The following SDCCAG8 variants were observed in gnomAD, a reference collection of about 807,000 sequenced individuals.
SDCCAG8 encodes the protein SHH signaling and ciliogenesis regulator SDCCAG8.
In SDCCAG8, 74 loss-of-function variants were observed where a neutral mutation model predicts 101.8. The observed-to-expected ratio is 0.73, with a 90% CI of 0.60 to 0.88. SDCCAG8 has a LOEUF of 0.88. Among genes scored for constraint, SDCCAG8 ranks in the 40% least tolerant of loss-of-function variants. The probability of loss-of-function intolerance (pLI) is 0.00; values close to 1 mark genes in which losing one functional copy is unlikely to be tolerated. For missense variants in SDCCAG8, 787 were observed against 822.6 expected, an observed-to-expected ratio of 0.96 and a Z score of 0.53; for synonymous variants, 281 against 292.9, an observed-to-expected ratio of 0.96 and a Z score of 0.41.
At chr1:243,483,210 C>T (rs946813146) in intron 16 of SDCCAG8, among the ~76,000 whole-genome samples, 8 of 152,056 alleles carry the variant, frequency 5.3e-5, no homozygotes, top group Non-Finnish European at 1.0e-4. Flanking sequence ...GGGGAGGAGG[C>T]GGCGGGCGCC....
Position 243,316,792 on chromosome 1 carries a change from A to T in SDCCAG8, c.967A>T (p.Arg323Trp). 6.2e-7 allele frequency: 1 copy of T among 1,614,222 alleles called. No individual in the cohort carries two copies. The highest frequency in any genetic ancestry group is 8.5e-7 in the Non-Finnish European group (1 of 1,180,038). ...CTTGATGTCTGCACTAGTTTCCGTA[A>T]GGAGCAGCTTGGCAGATACGCAGCA... ...DDLMSALVSVRSSLADTQQRE... is the reference protein window; with the variant it reads ...DDLMSALVSVWSSLADTQQRE... The change falls in exon 9 of 18, where the codon AGG (arginine) becomes TGG (tryptophan). Residue 323 changes from arginine to tryptophan, a missense_variant. By Grantham distance (101) the Arg-to-Trp change is moderately radical. Coordinates refer to ENST00000366541, the MANE Select transcript of SDCCAG8 (RefSeq NM_006642.5).
At chr1:243,282,766 A>C (rs1190364913) in intron 4 of SDCCAG8, among the ~76,000 whole-genome samples, 2 of 152,168 alleles carry the variant, frequency 1.3e-5, no homozygotes, top group Non-Finnish European at 2.9e-5. Flanking sequence ...CGGCTTCTGC[A>C]AAGTACTCCC....
intron 9 of SDCCAG8, among the ~76,000 whole-genome samples, chr1:243,317,319 A>AT (rs34669151): frequency 0.23 from 31,130 of 133,548 alleles, 3,961 homozygotes; most frequent in South Asian, 0.42. Flanking sequence ...ATTTAGTAGC[A>AT]TTTTTTTTTT....
chr1:243,266,006 A>G (rs2067555834), intron 1 of SDCCAG8, among the ~76,000 whole-genome samples: 1 of 152,168 alleles, frequency 6.6e-6, no homozygotes, highest in African/African-American at 2.4e-5. Context: ...AGCTCCATGG[A>G]ATACATTTCT....
chr1:243,411,624 G>A (rs1168061240), intron 13 of SDCCAG8, among the ~76,000 whole-genome samples: 2 of 152,082 alleles, frequency 1.3e-5, no homozygotes, highest in South Asian at 2.1e-4. Context: ...TCCTGGCAAC[G>A]CGGATCTACT....
chr1:243,430,791 G>T (rs1431163781), intron 16 of SDCCAG8, among the ~76,000 whole-genome samples: 1 of 152,128 alleles, frequency 6.6e-6, no homozygotes, highest in Non-Finnish European at 1.5e-5. Context: ...CTAATGGGAA[G>T]AAATCAAAAG....
At chr1:243,341,197 A>T (rs774194718) in intron 11 of SDCCAG8, 24 bp downstream of exon 11, 2 of 1,612,254 alleles carry the variant, frequency 1.2e-6, no homozygotes, top group Admixed American at 3.3e-5. Flanking sequence ...TTTTAGTGTA[A>T]TCGTTACTTA....
intron 12 of SDCCAG8, among the ~76,000 whole-genome samples, chr1:243,376,885 T>C (rs1037938268): frequency 6.6e-6 from 1 of 152,176 alleles, no homozygotes; most frequent in Admixed American, 6.5e-5. Context: ...ACCATTAATG[T>C]CACCCTATTA....
chr1:243,425,000 A>G (rs1167998842), intron 15 of SDCCAG8, among the ~76,000 whole-genome samples: 1 of 152,098 alleles, frequency 6.6e-6, no homozygotes, highest in Non-Finnish European at 1.5e-5. Context: ...TCAAAAATTT[A>G]TCATAACTGC....
intron 16 of SDCCAG8, among the ~76,000 whole-genome samples, chr1:243,449,024 T>A (rs963278775): frequency 6.6e-5 from 10 of 152,256 alleles, no homozygotes; most frequent in Non-Finnish European, 1.2e-4. Context: ...TCACTATATG[T>A]GTGTCTAATT....
chr1:243,455,994 G>A (rs1403620381), intron 16 of SDCCAG8, among the ~76,000 whole-genome samples: 10 of 152,222 alleles, frequency 6.6e-5, no homozygotes, highest in Admixed American at 5.9e-4. Flanking sequence ...GAAGGGATGC[G>A]TGTTGCAGGA....
intron 12 of SDCCAG8, among the ~76,000 whole-genome samples, chr1:243,344,913 G>C (rs763257216): frequency 5.9e-5 from 9 of 152,162 alleles, no homozygotes; most frequent in Non-Finnish European, 1.2e-4. Flanking sequence ...AGATGAAGTA[G>C]ATAACTCCAA....
intron 1 of SDCCAG8, among the ~76,000 whole-genome samples, chr1:243,257,642 A>G (rs891959357): frequency 2.0e-5 from 3 of 152,206 alleles, no homozygotes; most frequent in African/African-American, 7.2e-5. Context: ...TAGATTTTAT[A>G]AGGGTTACTA....
intron 16 of SDCCAG8, among the ~76,000 whole-genome samples, chr1:243,439,579 C>A (rs556586327): frequency 8.0e-5 from 12 of 150,858 alleles, no homozygotes; most frequent in African/African-American, 2.9e-4. Context: ...GAGCCAAGAT[C>A]ACGCCACTGC....
chr1:243,370,994 G>T (rs1041944783), intron 12 of SDCCAG8, among the ~76,000 whole-genome samples: 1 of 152,074 alleles, frequency 6.6e-6, no homozygotes, highest in African/African-American at 2.4e-5. Context: ...GTAGACAGTG[G>T]GACTTGAGGC....
intron 12 of SDCCAG8, among the ~76,000 whole-genome samples, chr1:243,348,818 C>CAAA (rs34405078): frequency 3.8e-5 from 5 of 131,236 alleles, no homozygotes; most frequent in African/African-American, 1.2e-4. Flanking sequence ...ACTAAAAATA[C>CAAA]AAAAAAAAAA....
intron 8 of SDCCAG8, among the ~76,000 whole-genome samples, chr1:243,315,673 A>G (rs527864413): frequency 6.6e-6 from 1 of 152,316 alleles, no homozygotes; most frequent in African/African-American, 2.4e-5. Context: ...TAATTCTGAA[A>G]GTAATTCAAG....
At chr1:243,473,561 A>T (rs1042622419) in intron 16 of SDCCAG8, among the ~76,000 whole-genome samples, 1 of 152,194 alleles carries the variant, frequency 6.6e-6, no homozygotes, top group Non-Finnish European at 1.5e-5. Flanking sequence ...TTTCTGAAGG[A>T]AAGAGTTCAG....
intron 13 of SDCCAG8, among the ~76,000 whole-genome samples, chr1:243,395,323 T>A (rs192753532): frequency 1.2e-4 from 18 of 152,338 alleles, no homozygotes; most frequent in African/African-American, 3.6e-4. Flanking sequence ...CAGGATTGTT[T>A]CACTGCTATT....
Sources: allele counts gnomAD v4.1 joint callset (sites outside exome capture counted in the v4.1 genomes callset), GRCh38; gene constraint gnomAD v4.1.1; transcripts MANE v1.5; gene names NCBI Gene and HGNC (gene_info 2026-07-23, HGNC 2026-07-21).